The following ABCA3 variants were observed in gnomAD, a reference collection of about 807,000 sequenced individuals.
ABCA3 encodes the protein ATP binding cassette subfamily A member 3.
ABCA3 carries 88 observed loss-of-function variants against 172.8 expected under a neutral mutation model. The observed-to-expected ratio is 0.51, with a 90% CI of 0.43 to 0.61. The LOEUF (loss-of-function observed/expected upper bound fraction) is 0.61. Ranked by LOEUF, ABCA3 falls within the 20% of genes least tolerant of loss-of-function variation. The pLI, the probability that ABCA3 is intolerant of heterozygous loss-of-function variation, is 0.00. For synonymous variants in ABCA3, 1,066 were observed against 983.8 expected, an observed-to-expected ratio of 1.08 and a Z score of -1.56; for missense variants, 2,164 against 2,301.0, an observed-to-expected ratio of 0.94 and a Z score of 1.22.
chr16:2,330,317 CTA>C (rs201931864), intron 1 of ABCA3, among the ~76,000 whole-genome samples: 1 of 137,444 alleles, frequency 7.3e-6, no homozygotes, highest in African/African-American at 3.0e-5. Context: ...AATATAAGCT[CTA>C]TTTTTTTTTT....
At chr16:2,317,191 C>T in intron 10 of ABCA3, 92 bp downstream of exon 10, 1 of 1,583,072 alleles carries the variant, frequency 6.3e-7, no homozygotes, top group Admixed American at 1.7e-5. Flanking sequence ...CACCAGGCCA[C>T]TCTCCCTTCC....
rs899633518 is a variant in ABCA3 at position 2,278,824 on chromosome 16, A to G, written c.4547+119T>C. The G allele has an allele frequency of 6.5e-5, 96 of 1,467,828 alleles. No homozygotes were observed. Among genetic ancestry groups the G allele is most frequent in the Non-Finnish European group, 8.8e-5 (94 of 1,062,576 alleles). 90.9% of individuals were successfully genotyped at this position (1,467,828 alleles called of 1,614,324 possible). On this transcript the variant is annotated intron_variant, in intron 29 of 32. Coordinates refer to ENST00000301732, the MANE Select transcript of ABCA3 (RefSeq NM_001089.3). This position sits in a 1 kb window ranked among gnomAD's most constrained non-coding sequence, Gnocchi z 4.4. ...GGTCACACCACCACATCCCAGCTCCATCCTGGAGCCACAAGCAGGAGCTCT... is the reference window on the plus strand; with the variant it reads ...GGTCACACCACCACATCCCAGCTCCGTCCTGGAGCCACAAGCAGGAGCTCT...
intron 10 of ABCA3, among the ~76,000 whole-genome samples, chr16:2,312,108 G>C (rs930220828): frequency 7.9e-5 from 12 of 152,048 alleles, no homozygotes; most frequent in Non-Finnish European, 1.2e-4. Context: ...GTTATCACTG[G>C]CTCCATAAAA....
At chr16:2,320,793 C>T (rs1322443675) in intron 7 of ABCA3, among the ~76,000 whole-genome samples, 1 of 152,114 alleles carries the variant, frequency 6.6e-6, no homozygotes, top group Non-Finnish European at 1.5e-5. Context: ...TGTGCCATGC[C>T]AGTCTCACAC....
chr16:2,320,555 A>C (rs1336838053), intron 7 of ABCA3, among the ~76,000 whole-genome samples: 1 of 150,274 alleles, frequency 6.7e-6, no homozygotes, highest in Admixed American at 6.6e-5. Context: ...ACGCCCAGCT[A>C]ATTTTTTTTT....
intron 18 of ABCA3, among the ~76,000 whole-genome samples, chr16:2,294,550 T>C (rs2093676936): frequency 1.3e-5 from 2 of 151,918 alleles, no homozygotes; most frequent in African/African-American, 4.8e-5. Flanking sequence ...TAGCCGGACA[T>C]GTTGATACAC....
intron 1 of ABCA3, chr16:2,339,481 C>T (rs2093757061): frequency 6.6e-6 from 1 of 152,202 alleles, no homozygotes; most frequent in South Asian, 2.1e-4. Flanking sequence ...TTTTCCCTTT[C>T]TCTTACATTT....
chr16:2,277,287 C>T lies in ABCA3; in HGVS notation c.4983+310G>A, dbSNP rs1202350512. Reference sequence around the variant, plus strand: ...TTTAAATTTTTTGTAGAGACGGGGTCTATGTTGCCCAGGCTGGTCTAGAAC... The same window carrying T: ...TTTAAATTTTTTGTAGAGACGGGGTTTATGTTGCCCAGGCTGGTCTAGAAC... On this transcript the variant is annotated intron_variant, in intron 32 of 32. Transcript: ENST00000301732. The surrounding 1 kb of genome is among the most constrained non-coding windows in gnomAD (Gnocchi z 5.3). Among the ~76,000 whole-genome samples the T allele has an allele frequency of 6.6e-6, 1 of 152,038 alleles. No individual in the cohort carries two copies.
In ABCA3 at chr16:2,288,210, G is replaced by A. The variant is rs1440740814; in HGVS notation, c.2820C>T (p.Ala940=). ...VLVPLTCVTL[A]LLAINYSSEL... ...CCGAGGAGTAGTTGATGGCCAGGAGGGCCAGGGTGACGCAGGTCAGAGGCA... is the reference window on the plus strand; with the variant it reads ...CCGAGGAGTAGTTGATGGCCAGGAGAGCCAGGGTGACGCAGGTCAGAGGCA... Residue 940 remains alanine, a synonymous_variant, in exon 21 of 33, where the codon GCC becomes GCT. Transcript: ENST00000301732. 1.9e-6 allele frequency: 3 copies of A among 1,600,696 alleles called. No individual in the cohort carries two copies. Among genetic ancestry groups the A allele is most frequent in the Non-Finnish European group, 2.6e-6 (3 of 1,173,712 alleles).
At chr16:2,302,916 A>G (rs1309446444) in intron 12 of ABCA3, among the ~76,000 whole-genome samples, 1 of 151,822 alleles carries the variant, frequency 6.6e-6, no homozygotes, top group Non-Finnish European at 1.5e-5. Flanking sequence ...CAGCCTCCCA[A>G]GTAGCTGGGA....
At chr16:2,298,793 G>C (rs1247081573) in intron 14 of ABCA3, among the ~76,000 whole-genome samples, 2 of 151,894 alleles carry the variant, frequency 1.3e-5, no homozygotes, top group Non-Finnish European at 2.9e-5. Context: ...CACACACACA[G>C]AGTCACCACA....
rs1251502472 is a variant in ABCA3 at position 2,283,423 on chromosome 16, G to A, written c.3863-65C>T. The A allele has an allele frequency of 1.1e-5, 17 of 1,570,906 alleles. No homozygotes were observed. In the East Asian group the frequency reaches 1.1e-4, roughly 10 times the overall value. The stretch of plus-strand genomic sequence containing the variant: ...CACCCTCCTCCCCTTCCAGGTTCCC[G>A]GCCCCCACTCCCCTCCCCAGGCTGC... On this transcript the variant is annotated intron_variant, in intron 25 of 32. Coordinates refer to ENST00000301732, the MANE Select transcript of ABCA3 (RefSeq NM_001089.3). This position sits in a 1 kb window ranked among gnomAD's most constrained non-coding sequence, Gnocchi z 5.4.
Position 2,297,453 on chromosome 16 carries a change from G to A in ABCA3, c.2139C>T (p.Asp713=). 6.2e-7 allele frequency: 1 copy of A among 1,613,824 alleles called. No homozygotes were observed. The highest frequency in any genetic ancestry group is 8.5e-7 in the Non-Finnish European group (1 of 1,180,022). Residue 713 remains aspartate, a synonymous_variant, in exon 17 of 33, where the codon GAC becomes GAT. Transcript: ENST00000301732. This position sits in a 1 kb window ranked among gnomAD's most constrained non-coding sequence, Gnocchi z 5.6. ...AGTGGGTGGTCAGCACGATGGTGCG[G>A]TCACTTTTCTGCCGCTGAAGAAGAT... ...IWDLLQRQKS[D]RTIVLTTHFM...
At chr16:2,332,776 G>T in intron 1 of ABCA3, 1 of 808,298 alleles carries the variant, frequency 1.2e-6, no homozygotes, top group Non-Finnish European at 2.0e-6. Context: ...ATTTTTGTGT[G>T]CACCATAGGC....
At chr16:2,328,296 G>A (rs779941878) in intron 3 of ABCA3, among the ~76,000 whole-genome samples, 157 bp downstream of exon 3, 20 of 152,196 alleles carry the variant, frequency 1.3e-4, no homozygotes, top group Middle Eastern at 6.8e-3. Context: ...TTGGGAGGCC[G>A]AGGCAGGAGG....
Position 2,278,087 on chromosome 16 carries a change from C to A in ABCA3, c.4719-18G>T. ...CCTCCATGCTGTGGAGAGGGCGGGA[C>A]CTCAGATAGGGCTTGGGGTGCCAAA... On this transcript the variant is annotated intron_variant, in intron 30 of 32. Coordinates refer to ENST00000301732, the MANE Select transcript of ABCA3 (RefSeq NM_001089.3). This position sits in a 1 kb window ranked among gnomAD's most constrained non-coding sequence, Gnocchi z 4.4. 6.2e-7 allele frequency: 1 copy of A among 1,613,202 alleles called. No individual in the cohort carries two copies. The highest frequency in any genetic ancestry group is 8.5e-7 in the Non-Finnish European group (1 of 1,179,990).
chr16:2,276,049 T>C lies in ABCA3; in HGVS notation c.*625A>G, dbSNP rs568167293. On this transcript the variant is annotated 3_prime_UTR_variant, in exon 33 of 33. Transcript: ENST00000301732. ...TCGAGCCTGGCCACCTTCCCTCCTG[T>C]GCCGGCTGCTTCTAGGAGATGCTGT... is the stretch of plus-strand genomic sequence containing the variant. The C allele has an allele frequency of 1.8e-4, 52 of 290,202 alleles. No homozygotes were observed. The highest frequency in any genetic ancestry group is 9.8e-5 in the Admixed American group (2 of 20,330). 18.0% of individuals were successfully genotyped at this position (290,202 alleles called of 1,614,324 possible).
rs1031126877 is a variant in ABCA3 at position 2,284,464 on chromosome 16, G to A, written c.3704-27C>T. The A allele has an allele frequency of 1.9e-6, 3 of 1,613,088 alleles. No individual in the cohort carries two copies. Among genetic ancestry groups the A allele is most frequent in the Non-Finnish European group, 2.5e-6 (3 of 1,179,874 alleles). On this transcript the variant is annotated intron_variant, in intron 24 of 32. Coordinates refer to ENST00000301732, the MANE Select transcript of ABCA3 (RefSeq NM_001089.3). This position sits in a 1 kb window ranked among gnomAD's most constrained non-coding sequence, Gnocchi z 5.9. ...TGCGTTGGGGAGGTAAGATCAGTCT[G>A]CGCTGGAGGGCACACCACACCCACC...
At chr16:2,317,620 A>C in intron 9 of ABCA3, 28 bp downstream of exon 9, 1 of 1,611,960 alleles carries the variant, frequency 6.2e-7, no homozygotes, top group Non-Finnish European at 8.5e-7. Context: ...CCCCGTCCTC[A>C]CCAGAGCCCC....
Sources: allele counts gnomAD v4.1 joint callset (sites outside exome capture counted in the v4.1 genomes callset), GRCh38; gene constraint gnomAD v4.1.1; non-coding constraint Gnocchi (gnomAD v3.1); transcripts MANE v1.5; gene names NCBI Gene and HGNC (gene_info 2026-07-23, HGNC 2026-07-21).